The following AOAH variants were observed in gnomAD, a reference collection of about 807,000 sequenced individuals.
AOAH encodes the protein acyloxyacyl hydrolase, also known as acyloxyacyl hydrolase (neutrophil).
A neutral mutation model predicts 92.2 loss-of-function variants in AOAH; 64 were observed. The observed-to-expected ratio is 0.69, with a 90% CI of 0.57 to 0.86. AOAH has a LOEUF of 0.86. Ranked by LOEUF, AOAH falls within the 40% of genes least tolerant of loss-of-function variation. AOAH has a pLI of 0.00. For missense variants in AOAH, 656 were observed against 694.6 expected, an observed-to-expected ratio of 0.94 and a Z score of 0.62; for synonymous variants, 263 against 254.5, an observed-to-expected ratio of 1.03 and a Z score of -0.32.
intron 2 of AOAH, among the ~76,000 whole-genome samples, chr7:36,684,406 G>C (rs940324843): frequency 6.6e-6 from 1 of 152,134 alleles, no homozygotes; most frequent in African/African-American, 2.4e-5. Context: ...GCACTACCTT[G>C]AAAACTGATA....
intron 2 of AOAH, among the ~76,000 whole-genome samples, chr7:36,675,988 T>C (rs1434110809): frequency 6.6e-6 from 1 of 152,224 alleles, no homozygotes. Context: ...ATAAAGGTTA[T>C]CTACAAAAAA....
chr7:36,585,361 A>G (rs2116718070), intron 12 of AOAH, among the ~76,000 whole-genome samples: 1 of 152,312 alleles, frequency 6.6e-6, no homozygotes, highest in Non-Finnish European at 1.5e-5. Flanking sequence ...GATGAACAAT[A>G]TCCAGTATTG....
intron 13 of AOAH, among the ~76,000 whole-genome samples, chr7:36,558,681 G>A (rs995483681): frequency 7.2e-5 from 11 of 152,238 alleles, no homozygotes; most frequent in South Asian, 2.1e-4. Context: ...GGGCAATGGC[G>A]GGAGCCCCTC....
At chr7:36,560,158 GGTAATGTGATGCCTCTA>G (rs1374456406) in intron 13 of AOAH, among the ~76,000 whole-genome samples, 5 of 152,100 alleles carry the variant, frequency 3.3e-5, no homozygotes, top group African/African-American at 1.2e-4. Context: ...TTTGAAGTTG[GGTAATGTGATGCCTCTA>G]GCTTTATTCT....
intron 4 of AOAH, among the ~76,000 whole-genome samples, chr7:36,640,029 G>A (rs185763073): frequency 1.6e-4 from 24 of 152,336 alleles, no homozygotes; most frequent in African/African-American, 4.1e-4. Flanking sequence ...GTGCTGAGGC[G>A]GGATGGGTGG....
intron 5 of AOAH, among the ~76,000 whole-genome samples, chr7:36,636,723 T>C (rs1019779672): frequency 3.3e-5 from 5 of 152,232 alleles, no homozygotes; most frequent in Admixed American, 1.3e-4. Flanking sequence ...TAAAAACCCA[T>C]AGGCCCTCCA....
intron 1 of AOAH, among the ~76,000 whole-genome samples, chr7:36,688,845 G>A (rs996497241): frequency 6.6e-5 from 10 of 151,762 alleles, no homozygotes; most frequent in Non-Finnish European, 1.3e-4. Context: ...ATATATATAT[G>A]TGTATATGTA....
chr7:36,615,527 AC>A (rs1459947119), intron 11 of AOAH, among the ~76,000 whole-genome samples: 1 of 152,092 alleles, frequency 6.6e-6, no homozygotes, highest in East Asian at 1.9e-4. Context: ...ACTGCAGGTG[AC>A]CCATCTGATA....
chr7:36,716,513 C>T (rs894591546), intron 1 of AOAH, among the ~76,000 whole-genome samples: 8 of 149,356 alleles, frequency 5.4e-5, no homozygotes, highest in Admixed American at 4.0e-4. Context: ...GCTATAAAGA[C>T]ACATGCACAC....
chr7:36,620,524 C>G (rs1792201338), intron 9 of AOAH, among the ~76,000 whole-genome samples: 1 of 152,154 alleles, frequency 6.6e-6, no homozygotes, highest in African/African-American at 2.4e-5. Context: ...CTGTTCAAAA[C>G]AGTATAAAGG....
intron 2 of AOAH, among the ~76,000 whole-genome samples, chr7:36,674,253 T>C (rs1180123451): frequency 1.3e-5 from 2 of 152,240 alleles, no homozygotes; most frequent in African/African-American, 4.8e-5. Context: ...AAAACACAGT[T>C]TAATGCTGGG....
chr7:36,608,226 C>T (rs6979823), intron 11 of AOAH, among the ~76,000 whole-genome samples: 1 of 152,204 alleles, frequency 6.6e-6, no homozygotes, highest in Non-Finnish European at 1.5e-5. Flanking sequence ...ATCTTAGTGG[C>T]GTCTTTACAG....
In AOAH at chr7:36,705,510, C is replaced by G. The variant is rs1798341981; in HGVS notation, c.127+18512G>C. On this transcript the variant is annotated intron_variant, in intron 1 of 20. Transcript: ENST00000617537. Reference sequence around the variant, plus strand: ...GACACAAACAAATGGAAAAACATTCCATGCTCATGGATAGGAAGAGTCAAT... The same window carrying G: ...GACACAAACAAATGGAAAAACATTCGATGCTCATGGATAGGAAGAGTCAAT... Among the ~76,000 whole-genome samples the G allele has an allele frequency of 2.6e-5, 4 of 152,156 alleles. No homozygotes were observed. In the South Asian group the frequency reaches 6.2e-4, roughly 24 times the overall value.
At chr7:36,679,508 T>C (rs575523762) in intron 2 of AOAH, among the ~76,000 whole-genome samples, 2 of 99,526 alleles carry the variant, frequency 2.0e-5, no homozygotes, top group East Asian at 3.5e-4. Context: ...GACATTTTAT[T>C]TGATGCCTTA....
chr7:36,679,461 G>T (rs1446380199), intron 2 of AOAH, among the ~76,000 whole-genome samples: 1 of 150,220 alleles, frequency 6.7e-6, no homozygotes, highest in African/African-American at 2.4e-5. Context: ...ACTCCAAAAG[G>T]TCTTGTTATT....
chr7:36,532,562 C>T (rs983193838), intron 16 of AOAH, among the ~76,000 whole-genome samples: 8 of 152,172 alleles, frequency 5.3e-5, no homozygotes, highest in African/African-American at 1.4e-4. Context: ...CTGAGGAACT[C>T]ACTGCCATAT....
chr7:36,519,621 G>T (rs532434301), intron 20 of AOAH, among the ~76,000 whole-genome samples: 1 of 152,270 alleles, frequency 6.6e-6, no homozygotes, highest in East Asian at 1.9e-4. Context: ...GTAGAGACGG[G>T]GTTTCTGCAT....
In AOAH at chr7:36,673,986, AGGT is replaced by A; in HGVS notation, c.244_246del (p.Thr82del). 6.2e-7 allele frequency: 1 copy of A among 1,610,146 alleles called. No individual in the cohort carries two copies. Among genetic ancestry groups the A allele is most frequent in the Non-Finnish European group, 8.5e-7 (1 of 1,176,898 alleles). On this transcript the variant is annotated inframe_deletion, in exon 3 of 21. Coordinates refer to ENST00000617537, the MANE Select transcript of AOAH (RefSeq NM_001637.4). Reference sequence around the variant, plus strand: ...CCAAACTTGTCAATGACTAAATAGCAGGTGGTTTTCAAGAACAGTTTTTCTAAA... The same window carrying A: ...CCAAACTTGTCAATGACTAAATAGCAGGTTTTCAAGAACAGTTTTTCTAAA...
chr7:36,644,840 G>A (rs1417603311), intron 4 of AOAH, among the ~76,000 whole-genome samples: 4 of 144,610 alleles, frequency 2.8e-5, no homozygotes, highest in Non-Finnish European at 6.0e-5. Context: ...TCTCACAAAG[G>A]AGAAAGCCCC....
Sources: gnomAD v4.1 joint callset for allele counts (sites outside exome capture counted in the v4.1 genomes callset) on GRCh38, gnomAD v4.1.1 for gene constraint, MANE v1.5 for transcripts, NCBI Gene and HGNC (gene_info 2026-07-23, HGNC 2026-07-21) for gene names.